Variants in MGAT4C observed in about 807,000 individuals in gnomAD.
MGAT4C encodes the protein MGAT4 family member C.
Under a neutral mutation model 40.1 loss-of-function variants are expected in MGAT4C, and 19 were observed. That is an observed-to-expected ratio of 0.47 (90% CI 0.33 to 0.70). The LOEUF (loss-of-function observed/expected upper bound fraction) is 0.70. Among genes scored for constraint, MGAT4C ranks in the 30% least tolerant of loss-of-function variants. The pLI, the probability that MGAT4C is intolerant of heterozygous loss-of-function variation, is 0.02. For missense variants in MGAT4C, 491 were observed against 563.2 expected (o/e 0.87, Z 1.30); for synonymous variants, 181 against 187.1 (o/e 0.97, Z 0.27).
At chr12:86,631,079 C>A (rs948417351) in intron 2 of MGAT4C, among the ~76,000 whole-genome samples, 7 of 152,054 alleles carry the variant, frequency 4.6e-5, no homozygotes, top group Non-Finnish European at 8.8e-5. Context: ...AATCAATGTG[C>A]AAAAATCACA....
intron 3 of MGAT4C, among the ~76,000 whole-genome samples, chr12:86,384,903 C>T (rs1213398016): frequency 6.6e-6 from 1 of 152,174 alleles, no homozygotes; most frequent in East Asian, 1.9e-4. Flanking sequence ...AAGCTGTTAA[C>T]CATTTTACTT....
At chr12:86,697,690 C>T (rs1008582457) in intron 2 of MGAT4C, among the ~76,000 whole-genome samples, 2 of 151,974 alleles carry the variant, frequency 1.3e-5, no homozygotes, top group Admixed American at 6.6e-5. Flanking sequence ...AAGAATGATT[C>T]TGTACTTGAA....
At position 85,974,589 on chromosome 12, in the gene MGAT4C, C is replaced by A. The variant is rs1310409978; in HGVS notation, c.*4700G>T. ...GAGAGATTAACCATATGTAGATACACACATGCACATATGCAATAATGAAAT... is the reference window on the plus strand; with the variant it reads ...GAGAGATTAACCATATGTAGATACAAACATGCACATATGCAATAATGAAAT... On this transcript the variant is annotated 3_prime_UTR_variant, in exon 5 of 5. Coordinates refer to ENST00000611864, the MANE Select transcript of MGAT4C (RefSeq NM_001351288.2). 1.3e-5 allele frequency: 2 copies of A among 150,268 alleles called. No individual in the cohort carries two copies. Among genetic ancestry groups the A allele is most frequent in the African/African-American group, 4.9e-5 (2 of 41,148 alleles). The allele number at this position is 150,268 out of a possible 1,614,324, so 9.3% of individuals were successfully genotyped here.
chr12:86,670,250 A>C (rs1379304959), intron 2 of MGAT4C, among the ~76,000 whole-genome samples: 3 of 152,108 alleles, frequency 2.0e-5, no homozygotes, highest in Non-Finnish European at 2.9e-5. Context: ...AATTCAACAA[A>C]TGGATTTCAA....
chr12:86,335,895 T>C (rs1333056685), intron 3 of MGAT4C, among the ~76,000 whole-genome samples: 1 of 152,120 alleles, frequency 6.6e-6, no homozygotes, highest in Non-Finnish European at 1.5e-5. Context: ...GGTCCATATA[T>C]ACCTCTAAAG....
intron 3 of MGAT4C, among the ~76,000 whole-genome samples, chr12:86,364,478 G>A (rs978552115): frequency 3.3e-5 from 5 of 152,040 alleles, no homozygotes; most frequent in African/African-American, 1.2e-4. Context: ...TTTGTATATG[G>A]TGAGATATAG....
chr12:86,201,998 C>T (rs1385709831), intron 1 of MGAT4C, among the ~76,000 whole-genome samples: 1 of 93,088 alleles, frequency 1.1e-5, no homozygotes, highest in Admixed American at 1.3e-4. Context: ...ACCATGTATC[C>T]AGTGAATTTG....
chr12:86,757,040 A>C (rs1032244992), intron 1 of MGAT4C, among the ~76,000 whole-genome samples: 3 of 152,180 alleles, frequency 2.0e-5, no homozygotes, highest in African/African-American at 7.2e-5. Context: ...CAGCCATAAA[A>C]AACTGATGAG....
chr12:86,793,137 C>A (rs2136194843), intron 1 of MGAT4C, among the ~76,000 whole-genome samples: 1 of 152,204 alleles, frequency 6.6e-6, no homozygotes, highest in African/African-American at 2.4e-5. Flanking sequence ...TTATATCTGA[C>A]ATTCAATTGG....
intron 3 of MGAT4C, among the ~76,000 whole-genome samples, chr12:86,413,875 G>C (rs1956653163): frequency 6.6e-6 from 1 of 152,110 alleles, no homozygotes; most frequent in South Asian, 2.1e-4. Context: ...TAATGATAAG[G>C]GGTTGGAGGG....
intron 2 of MGAT4C, among the ~76,000 whole-genome samples, chr12:86,488,518 C>T (rs955894701): frequency 2.0e-5 from 3 of 151,790 alleles, no homozygotes; most frequent in Non-Finnish European, 4.4e-5. Flanking sequence ...ATTTTGTTTT[C>T]TCTCTTGAAC....
rs554743900 is a variant in MGAT4C, at chr12:86,395,949, G to A, written c.-120+39208C>T. 3.3e-5 allele frequency among the ~76,000 whole-genome samples: 5 copies of A among 152,086 alleles called. No individual in the cohort carries two copies. The South Asian group carries it at 1.0e-3, about 32-fold the overall frequency. On this transcript the variant is annotated intron_variant, in intron 3 of 7. Coordinates refer to the MGAT4C transcript ENST00000548651. Reference sequence around the variant, plus strand: ...ACCATAATTTTACATTTTCTAAGCTGGATATTTTTATTTAGTATAATTTCC... The same window carrying A: ...ACCATAATTTTACATTTTCTAAGCTAGATATTTTTATTTAGTATAATTTCC...
At chr12:86,273,418 T>G (rs1952995573) in intron 4 of MGAT4C, among the ~76,000 whole-genome samples, 1 of 152,166 alleles carries the variant, frequency 6.6e-6, no homozygotes, top group Admixed American at 6.6e-5. Context: ...AGAGGAGAAA[T>G]ATATAAATAT....
At chr12:86,110,274 ATATAGTCTATATATATATAGTCTCTC>A (rs1434354821) in intron 1 of MGAT4C, among the ~76,000 whole-genome samples, 2 of 75,798 alleles carry the variant, frequency 2.6e-5, no homozygotes, top group African/African-American at 6.1e-5. Flanking sequence ...TAGACTATAT[ATATAGTCTATATATATATAGTCTCTC>A]TATATATATA....
At chr12:86,184,480 T>C (rs1888502827) in intron 1 of MGAT4C, among the ~76,000 whole-genome samples, 1 of 152,068 alleles carries the variant, frequency 6.6e-6, no homozygotes, top group Admixed American at 6.6e-5. Flanking sequence ...CTCCTTTGTC[T>C]TCTTTTCTCG....
At chr12:86,358,962 C>T (rs1294970942) in intron 3 of MGAT4C, among the ~76,000 whole-genome samples, 1 of 152,202 alleles carries the variant, frequency 6.6e-6, no homozygotes, top group African/African-American at 2.4e-5. Context: ...GAACTCAGCT[C>T]TGCACCAGGT....
At chr12:86,234,647 C>G (rs1400127250) in intron 1 of MGAT4C, among the ~76,000 whole-genome samples, 1 of 152,108 alleles carries the variant, frequency 6.6e-6, no homozygotes, top group African/African-American at 2.4e-5. Flanking sequence ...TTGGCCGACA[C>G]TGGTTGTCCT....
intron 1 of MGAT4C, among the ~76,000 whole-genome samples, chr12:86,129,930 T>G (rs142926647): frequency 6.6e-6 from 1 of 152,286 alleles, no homozygotes; most frequent in African/African-American, 2.4e-5. Context: ...ATAAAGCACA[T>G]GCACTGTGTG....
chr12:85,977,534 C>T lies in MGAT4C; in HGVS notation c.*1755G>A, dbSNP rs190376900. The T allele has an allele frequency of 4.6e-5, 7 of 151,398 alleles. No homozygotes were observed. Among genetic ancestry groups the T allele is most frequent in the East Asian group, 1.9e-4 (1 of 5,174 alleles). 9.4% of individuals were successfully genotyped at this position (151,398 alleles called of 1,614,324 possible). A position where few individuals can be genotyped will look rare whatever the true frequency, so the allele number is the denominator to read the frequency against. On this transcript the variant is annotated 3_prime_UTR_variant, in exon 5 of 5. Transcript: ENST00000611864. ...AATATTTAGCCTCTTATGAAAGGTT[C>T]GTTTTTCTTCTAACACTTTAGTAGC...
Sources: allele counts gnomAD v4.1 joint callset (sites outside exome capture counted in the v4.1 genomes callset), GRCh38; gene constraint gnomAD v4.1.1; transcripts MANE v1.5; gene names NCBI Gene and HGNC (gene_info 2026-07-23, HGNC 2026-07-21).